BICC1: variants seen among roughly 807,000 people sequenced by gnomAD.
The protein encoded by BICC1 is BicC family RNA binding protein 1.
In BICC1, 43 loss-of-function variants were observed where a neutral mutation model predicts 111.0. The observed-to-expected ratio is 0.39, with a 90% CI of 0.30 to 0.50. BICC1 has a LOEUF of 0.50. BICC1 is among the 20% of genes least tolerant of loss of function. The pLI, the probability that BICC1 is intolerant of heterozygous loss-of-function variation, is 0.88. For synonymous variants in BICC1, 467 were observed against 434.4 expected (o/e 1.07, Z -0.93); for missense variants, 1,091 against 1,203.2 (o/e 0.91, Z 1.38).
chr10:58,775,397 CA>C (rs999513284), intron 3 of BICC1, among the ~76,000 whole-genome samples: 1 of 149,694 alleles, frequency 6.7e-6, no homozygotes, highest in Non-Finnish European at 1.5e-5. Flanking sequence ...AAACAAAAAA[CA>C]AAAAAAAACA....
At chr10:58,675,156 G>A (rs1839300304) in intron 2 of BICC1, among the ~76,000 whole-genome samples, 1 of 152,152 alleles carries the variant, frequency 6.6e-6, no homozygotes, top group Non-Finnish European at 1.5e-5. Flanking sequence ...GTTGAGGACA[G>A]TTGGAGGAGA....
At chr10:58,538,504 A>G (rs1192578912) in intron 1 of BICC1, among the ~76,000 whole-genome samples, 2 of 151,896 alleles carry the variant, frequency 1.3e-5, no homozygotes, top group Non-Finnish European at 2.9e-5. Context: ...AAGACCTGAA[A>G]CCATGAAAAT....
chr10:58,699,717 CA>C (rs1341272411), intron 2 of BICC1, among the ~76,000 whole-genome samples: 6 of 150,360 alleles, frequency 4.0e-5, no homozygotes, highest in Non-Finnish European at 8.9e-5. Context: ...TTTTTTTAAA[CA>C]GTGTCTCAAT....
At chr10:58,679,797 G>C (rs1438034863) in intron 2 of BICC1, among the ~76,000 whole-genome samples, 1 of 152,110 alleles carries the variant, frequency 6.6e-6, no homozygotes, top group East Asian at 1.9e-4. Context: ...ATAAAATACT[G>C]GCAAACCGGA....
At chr10:58,807,495 T>C (rs764437749) in intron 17 of BICC1, among the ~76,000 whole-genome samples, 4 of 151,938 alleles carry the variant, frequency 2.6e-5, no homozygotes, top group Non-Finnish European at 4.4e-5. Context: ...GTCTAAAGAG[T>C]CCTATTATCC....
chr10:58,701,963 G>T, intron 2 of BICC1, 111 bp from the exon 3 acceptor site: 47 of 653,008 alleles, frequency 7.2e-5, no homozygotes, highest in South Asian at 2.6e-4. Context: ...AGATCATTTT[G>T]TATGAACATG....
At chr10:58,527,980 G>T (rs1842589412) in intron 1 of BICC1, among the ~76,000 whole-genome samples, 1 of 151,886 alleles carries the variant, frequency 6.6e-6, no homozygotes, top group East Asian at 1.9e-4. Flanking sequence ...CATTTGTAAG[G>T]CTGGCACACA....
At chr10:58,604,248 G>A (rs1845136664) in intron 1 of BICC1, among the ~76,000 whole-genome samples, 1 of 152,144 alleles carries the variant, frequency 6.6e-6, no homozygotes, top group African/African-American at 2.4e-5. Flanking sequence ...ACTTGCTACT[G>A]CTGTATTGAG....
chr10:58,597,761 T>C (rs1844867223), intron 1 of BICC1, among the ~76,000 whole-genome samples: 1 of 152,068 alleles, frequency 6.6e-6, no homozygotes, highest in Admixed American at 6.6e-5. Context: ...TAGCGATACC[T>C]CTCCTACTTG....
intron 1 of BICC1, among the ~76,000 whole-genome samples, chr10:58,620,108 T>A (rs1375527411): frequency 6.6e-6 from 1 of 152,186 alleles, no homozygotes; most frequent in Admixed American, 6.5e-5. Context: ...TGCTATTGGC[T>A]CTTTATCACT....
At chr10:58,575,883 C>G (rs1299092919) in intron 1 of BICC1, among the ~76,000 whole-genome samples, 4 of 152,048 alleles carry the variant, frequency 2.6e-5, no homozygotes, top group Admixed American at 1.3e-4. Flanking sequence ...GTTTGCAGAG[C>G]GTTATAGCTT....
intron 9 of BICC1, 110 bp from the exon 10 acceptor site, chr10:58,796,230 C>G: frequency 1.1e-6 from 1 of 882,012 alleles, no homozygotes; most frequent in Non-Finnish European, 1.8e-6. Context: ...TTGATATGTC[C>G]CCTGAGTGGA....
intron 9 of BICC1, among the ~76,000 whole-genome samples, chr10:58,793,886 T>C (rs1204673730): frequency 6.6e-6 from 1 of 152,058 alleles, no homozygotes; most frequent in East Asian, 1.9e-4. Context: ...AAACCCCAAA[T>C]CTAAAACACT....
intron 1 of BICC1, among the ~76,000 whole-genome samples, chr10:58,598,822 C>T (rs1320270397): frequency 6.6e-6 from 1 of 151,866 alleles, no homozygotes; most frequent in East Asian, 1.9e-4. Flanking sequence ...AAAAAACAAC[C>T]CCATAAAAAA....
chr10:58,810,850 A>C (rs1008655246), intron 17 of BICC1, among the ~76,000 whole-genome samples: 2 of 152,194 alleles, frequency 1.3e-5, no homozygotes, highest in African/African-American at 4.8e-5. Context: ...CAAATGAACA[A>C]GGAGAATGCC....
intron 1 of BICC1, among the ~76,000 whole-genome samples, chr10:58,620,230 G>T (rs1845757389): frequency 6.6e-6 from 1 of 152,076 alleles, no homozygotes; most frequent in South Asian, 2.1e-4. Context: ...GTATTTATGG[G>T]CTACCATTTA....
At chr10:58,648,504 C>G in intron 2 of BICC1, 1 of 985,136 alleles carries the variant, frequency 1.0e-6, no homozygotes, top group South Asian at 4.7e-5. Context: ...GGCCACTCCA[C>G]TCGGACTTAG....
intron 3 of BICC1, among the ~76,000 whole-genome samples, chr10:58,721,885 C>A (rs1230557574): frequency 6.6e-6 from 1 of 152,106 alleles, no homozygotes; most frequent in Admixed American, 6.6e-5. Context: ...AGGGAAAGGA[C>A]CCAGCCATAT....
intron 1 of BICC1, among the ~76,000 whole-genome samples, chr10:58,566,675 A>AT (rs1284939099): frequency 6.6e-6 from 1 of 151,702 alleles, no homozygotes; most frequent in South Asian, 2.1e-4. Flanking sequence ...TTATTTTTTG[A>AT]TTTTTTTGAC....
Sources: gnomAD v4.1 joint callset for allele counts (sites outside exome capture counted in the v4.1 genomes callset) on GRCh38, gnomAD v4.1.1 for gene constraint, MANE v1.5 for transcripts, NCBI Gene and HGNC (gene_info 2026-07-23, HGNC 2026-07-21) for gene names.